FAM124A: variants seen among roughly 807,000 people sequenced by gnomAD.
The protein encoded by FAM124A is protein FAM124A.
FAM124A carries 23 observed loss-of-function variants against 24.5 expected under a neutral mutation model. That is an observed-to-expected ratio of 0.94 (90% CI 0.68 to 1.33). The LOEUF (loss-of-function observed/expected upper bound fraction) is 1.33. Ranked by LOEUF, FAM124A falls within the 40% of genes most tolerant of loss-of-function variation. The pLI, the probability that FAM124A is intolerant of heterozygous loss-of-function variation, is 0.00. For synonymous variants in FAM124A, 287 were observed against 314.7 expected (o/e 0.91, Z 0.93); for missense variants, 623 against 722.8 (o/e 0.86, Z 1.58).
chr13:51,279,824 T>C (rs550470367), intron 3 of FAM124A, among the ~76,000 whole-genome samples: 2 of 152,284 alleles, frequency 1.3e-5, no homozygotes, highest in South Asian at 2.1e-4. Context: ...CAGTAGTTAC[T>C]AGCAACAAGT....
chr13:51,269,635 A>G (rs185815438), intron 3 of FAM124A, among the ~76,000 whole-genome samples: 1 of 152,216 alleles, frequency 6.6e-6, no homozygotes, highest in Non-Finnish European at 1.5e-5. Flanking sequence ...ATGAAGTTTA[A>G]GATGTTAAAG....
At chr13:51,271,685 GCT>G (rs943093552) in intron 3 of FAM124A, among the ~76,000 whole-genome samples, 1 of 152,116 alleles carries the variant, frequency 6.6e-6, no homozygotes, top group African/African-American at 2.4e-5. Context: ...AATAAATTCT[GCT>G]CTCATTTCTG....
chr13:51,243,640 T>C (rs889806415), intron 2 of FAM124A, among the ~76,000 whole-genome samples: 2 of 152,124 alleles, frequency 1.3e-5, no homozygotes, highest in African/African-American at 2.4e-5. Context: ...TTCAAGTGAT[T>C]CTCCTGACTC....
intron 3 of FAM124A, among the ~76,000 whole-genome samples, chr13:51,271,212 T>C (rs376669818): frequency 1.3e-5 from 2 of 152,326 alleles, no homozygotes; most frequent in South Asian, 2.1e-4. Context: ...CGCTCCTGTG[T>C]GCTGGCGCCG....
chr13:51,258,708 G>T lies in FAM124A; in HGVS notation c.834+6507G>T, dbSNP rs1158147690. ...ATGTTCCACTGCGTTGGGAACCTTT[G>T]TTTCCAAATCTGAACACTTAGGATG... On this transcript the variant is annotated intron_variant, in intron 3 of 3. Transcript: ENST00000322475. This position sits in a 1 kb window ranked among gnomAD's most constrained non-coding sequence, Gnocchi z 4.2. Among the ~76,000 whole-genome samples the T allele has an allele frequency of 6.6e-6, 1 of 152,220 alleles. No homozygotes were observed. The highest frequency in any genetic ancestry group is 1.5e-5 in the Non-Finnish European group (1 of 68,034).
At chr13:51,232,385 C>T (rs180981985) in intron 2 of FAM124A, among the ~76,000 whole-genome samples, 1 of 152,254 alleles carries the variant, frequency 6.6e-6, no homozygotes, top group Non-Finnish European at 1.5e-5. Flanking sequence ...TTGTTTTGCC[C>T]TATCTCACTA....
chr13:51,252,433 C>T (rs1205054025), intron 3 of FAM124A: 1 of 597,260 alleles, frequency 1.7e-6, no homozygotes, highest in Non-Finnish European at 2.9e-6. Context: ...AACATGTTCC[C>T]AATTCTTCCA....
rs575014208 is a variant in FAM124A at position 51,251,490 on chromosome 13, G to A, written c.123G>A (p.Ala41=). The A allele has an allele frequency of 6.2e-5, 94 of 1,508,132 alleles. No individual in the cohort carries two copies. The highest frequency in any genetic ancestry group is 5.4e-4 in the Middle Eastern group (3 of 5,566). 93.4% of individuals were successfully genotyped at this position (1,508,132 alleles called of 1,614,324 possible). The change falls in exon 3 of 4, where the codon GCG becomes GCA. Residue 41 remains alanine (A), a synonymous_variant. Transcript: ENST00000322475. This position sits in a 1 kb window ranked among gnomAD's most constrained non-coding sequence, Gnocchi z 5.3. ...CAGGTGAGCTTTCCGTTGAAGAGGC[G>A]CAGGACCCTTTCCTGGTCAGCATCC... ...STSSELSVEE[A]QDPFLVSIHI...
intron 3 of FAM124A, among the ~76,000 whole-genome samples, chr13:51,257,041 A>C (rs887235363): frequency 6.6e-6 from 1 of 152,206 alleles, no homozygotes; most frequent in Admixed American, 6.5e-5. Context: ...AGGCTGAATA[A>C]TATTCCATTG....
At position 51,258,481 on chromosome 13, in the gene FAM124A, C is replaced by G. The variant is rs138677340; in HGVS notation, c.834+6280C>G. Among the ~76,000 whole-genome samples, 185 of 152,288 alleles carry G rather than the reference C, an allele frequency of 1.2e-3. No homozygotes were observed. The highest frequency in any genetic ancestry group is 2.4e-3 in the Admixed American group (37 of 15,298). On this transcript the variant is annotated intron_variant, in intron 3 of 3. Coordinates refer to ENST00000322475, the MANE Select transcript of FAM124A (RefSeq NM_001242312.2). This position sits in a 1 kb window ranked among gnomAD's most constrained non-coding sequence, Gnocchi z 4.2. ...GGGATCTCTCGTGGGTCTCCGAACC[C>G]TCTTCAGACTCTAATGTCTGGGTTA... is the stretch of plus-strand genomic sequence containing the variant.
At chr13:51,277,154 G>A (rs939278802) in intron 3 of FAM124A, among the ~76,000 whole-genome samples, 13 of 152,260 alleles carry the variant, frequency 8.5e-5, no homozygotes, top group African/African-American at 1.4e-4. Context: ...CTATAAAAAG[G>A]AATGAAATCA....
At chr13:51,250,915 A>G (rs530052929) in intron 2 of FAM124A, among the ~76,000 whole-genome samples, 8 of 152,306 alleles carry the variant, frequency 5.3e-5, no homozygotes, top group Middle Eastern at 3.4e-3. Context: ...CTTGTCCTCC[A>G]TCATTCGCCT....
chr13:51,281,214 G>A lies in FAM124A; in HGVS notation c.1599G>A (p.Ser533=), dbSNP rs1039937198. 1.1e-5 allele frequency: 18 copies of A among 1,602,370 alleles called. No individual in the cohort carries two copies. The highest frequency in any genetic ancestry group is 1.3e-5 in the African/African-American group (1 of 74,830). ...GAGACATGCCACCACCCCCAGGGTC[G>A]GCTGGCCCCGGGGATAACGACATGG... ...TDGDMPPPPG[S]AGPGDNDMEE... The change falls in exon 4 of 4, where the codon TCG becomes TCA. Residue 533 remains serine (S), a synonymous_variant. Transcript: ENST00000322475.
In FAM124A at chr13:51,251,418, A is replaced by T; in HGVS notation, c.101-50A>T. On this transcript the variant is annotated intron_variant, in intron 2 of 3. Coordinates refer to ENST00000322475, the MANE Select transcript of FAM124A (RefSeq NM_001242312.2). The surrounding 1 kb of genome is among the most constrained non-coding windows in gnomAD (Gnocchi z 5.3). ...ACGTCATCACTGGACACTTTAATGAAATAATCATAATTGTATTCATTCATC... is the reference window on the plus strand; with the variant it reads ...ACGTCATCACTGGACACTTTAATGATATAATCATAATTGTATTCATTCATC... 6 of 1,477,766 alleles carry T rather than the reference A, an allele frequency of 4.1e-6. No individual in the cohort carries two copies. Among genetic ancestry groups the T allele is most frequent in the Non-Finnish European group, 5.4e-6 (6 of 1,113,698 alleles). 91.5% of individuals were successfully genotyped at this position (1,477,766 alleles called of 1,614,324 possible).
At chr13:51,243,212 A>ATTACAAAG (rs1265001144) in intron 2 of FAM124A, among the ~76,000 whole-genome samples, 9 of 152,232 alleles carry the variant, frequency 5.9e-5, no homozygotes, top group Non-Finnish European at 1.0e-4. Context: ...AAATTACAAA[A>ATTACAAAG]TTACCAAGAA....
chr13:51,281,062 T>G lies in FAM124A; in HGVS notation c.1447T>G (p.Phe483Val). The change falls in exon 4 of 4, where the codon TTC becomes GTC. Residue 483 changes from phenylalanine (F) to valine (V), a missense_variant. Phe to Val is a conservative substitution (Grantham distance 50). Transcript: ENST00000322475. The stretch of plus-strand genomic sequence containing the variant: ...GGCCTCCTGGGCTTCCCTCCCTTTC[T>G]TCACCAAAAGGTCTTCCAGCTCCTC... ...TEASWASLPF[F>V]TKRSSSSSAT... is the part of the protein sequence containing the mutation. 1 of 1,614,072 alleles carries G rather than the reference T, an allele frequency of 6.2e-7. No individual in the cohort carries two copies. Among genetic ancestry groups the G allele is most frequent in the Non-Finnish European group, 8.5e-7 (1 of 1,180,002 alleles).
intron 2 of FAM124A, among the ~76,000 whole-genome samples, chr13:51,238,812 A>G (rs1207431568): frequency 1.3e-5 from 2 of 152,262 alleles, no homozygotes; most frequent in South Asian, 2.1e-4. Flanking sequence ...AGTATTAACT[A>G]TCTGACAGTT....
In FAM124A at chr13:51,251,431, G is replaced by A; in HGVS notation, c.101-37G>A. 6.7e-7 allele frequency: 1 copy of A among 1,492,518 alleles called. No individual in the cohort carries two copies. The highest frequency in any genetic ancestry group is 8.9e-7 in the Non-Finnish European group (1 of 1,120,848). The allele number at this position is 1,492,518 out of a possible 1,614,324, so 92.5% of individuals were successfully genotyped here. On this transcript the variant is annotated intron_variant, in intron 2 of 3. Transcript: ENST00000322475. The surrounding 1 kb of genome is among the most constrained non-coding windows in gnomAD (Gnocchi z 5.3). ...ACACTTTAATGAAATAATCATAATT[G>A]TATTCATTCATCCATTCGTTTTTTG...
intron 3 of FAM124A, among the ~76,000 whole-genome samples, chr13:51,263,857 A>C (rs1402209928): frequency 6.6e-6 from 1 of 152,260 alleles, no homozygotes; most frequent in Non-Finnish European, 1.5e-5. Context: ...GGGCAGAGAA[A>C]GGAATTGAGG....
Sources: gnomAD v4.1 joint callset for allele counts (sites outside exome capture counted in the v4.1 genomes callset) on GRCh38, gnomAD v4.1.1 for gene constraint, Gnocchi (gnomAD v3.1) non-coding constraint, MANE v1.5 for transcripts, NCBI Gene and HGNC (gene_info 2026-07-23, HGNC 2026-07-21) for gene names.